The following BBS4 variants were observed in gnomAD, a reference collection of about 807,000 sequenced individuals.
BBS4 encodes Bardet-Biedl syndrome 4.
In BBS4, 58 loss-of-function variants were observed where a neutral mutation model predicts 71.4. That is an observed-to-expected ratio of 0.81 (90% CI 0.66 to 1.01). BBS4 has a LOEUF of 1.01. Ranked by LOEUF, BBS4 falls within the 50% of genes least tolerant of loss-of-function variation. BBS4 has a pLI of 0.00. For missense variants in BBS4, 660 were observed against 607.9 expected (o/e 1.09, Z -0.90); for synonymous variants, 228 against 216.8 (o/e 1.05, Z -0.46).
chr15:72,733,701 C>G (rs1387925496), intron 12 of BBS4, among the ~76,000 whole-genome samples: 4 of 152,160 alleles, frequency 2.6e-5, no homozygotes, highest in African/African-American at 9.7e-5. Flanking sequence ...GATTTCACAT[C>G]TTTGCTATTG....
At chr15:72,737,197 C>T (rs1408713377) in intron 15 of BBS4, 2 of 620,200 alleles carry the variant, frequency 3.2e-6, no homozygotes, top group East Asian at 5.5e-5. Flanking sequence ...ATACACTGGT[C>T]TTTCCAATTT....
At chr15:72,706,985 C>T (rs2065274881) in intron 2 of BBS4, among the ~76,000 whole-genome samples, 1 of 151,744 alleles carries the variant, frequency 6.6e-6, no homozygotes. Context: ...CTGGTTGTAC[C>T]TTTTAATTTT....
rs151083113 is a variant in BBS4 at position 72,733,302 on chromosome 15, T to A, written c.1036+1576T>A. 7.3e-3 allele frequency among the ~76,000 whole-genome samples: 1,115 copies of A among 151,836 alleles called. 10 individuals carry two copies. Among genetic ancestry groups the A allele is most frequent in the African/African-American group, 0.025 (1,031 of 41,340 alleles). On this transcript the variant is annotated intron_variant, in intron 12 of 15. Transcript: ENST00000268057. ...GAGACTCCATTCCTCTCTCTTTTTT[T>A]AAAAATTTTATTTTAGGTTCAGGGG...
Position 72,698,027 on chromosome 15 carries a change from C to A in BBS4, c.76+2799C>A, listed in dbSNP as rs1276857503. 26 of 455,692 alleles carry A rather than the reference C, an allele frequency of 5.7e-5. No homozygotes were observed. In the East Asian group the frequency reaches 1.8e-3, roughly 32 times the overall value. 28.2% of individuals were successfully genotyped at this position (455,692 alleles called of 1,614,324 possible). ...TCTGGCTTTCAGTTGAAGATCTTAC[C>A]CATCATTGAGGTGAGCGAACTGATT... On this transcript the variant is annotated intron_variant, in intron 2 of 15. Coordinates refer to ENST00000268057, the MANE Select transcript of BBS4 (RefSeq NM_033028.5).
Position 72,722,825 on chromosome 15 carries a change from T to C in BBS4, c.437T>C (p.Ile146Thr), listed in dbSNP as rs769886837. 9.3e-5 allele frequency: 150 copies of C among 1,613,764 alleles called. No individual in the cohort carries two copies. Among genetic ancestry groups the C allele is most frequent in the Non-Finnish European group, 1.2e-4 (142 of 1,179,888 alleles). Reference sequence around the variant, plus strand: ...AGCCATAACCTAGGAGTTTGCTACATATACCTGAAGCAGTTCAACAAGGTA... The same window carrying C: ...AGCCATAACCTAGGAGTTTGCTACACATACCTGAAGCAGTTCAACAAGGTA... ...EISHNLGVCY[I>T]YLKQFNKAQD... The change falls in exon 7 of 16, where the codon ATA (isoleucine) becomes ACA (threonine). Residue 146 changes from isoleucine to threonine, a missense_variant. By Grantham distance (89) the Ile-to-Thr change is moderately conservative (BLOSUM62 -1). Transcript: ENST00000268057.
At chr15:72,725,055 T>TAGAGAGAGAG (rs201886458) in intron 8 of BBS4, among the ~76,000 whole-genome samples, 12 of 111,686 alleles carry the variant, frequency 1.1e-4, no homozygotes, top group South Asian at 3.1e-4. Flanking sequence ...TATATATATA[T>TAGAGAGAGAG]ATAGAGAGAG....
intron 3 of BBS4, among the ~76,000 whole-genome samples, chr15:72,710,002 G>A (rs76997565): frequency 0.011 from 1,711 of 152,142 alleles, 27 homozygotes; most frequent in African/African-American, 0.038. Flanking sequence ...TTGCTCATGG[G>A]CTTTCAGATC....
chr15:72,697,098 A>G, intron 2 of BBS4, among the ~76,000 whole-genome samples: 1 of 151,820 alleles, frequency 6.6e-6, no homozygotes, highest in South Asian at 2.1e-4. Flanking sequence ...ATGCCTGGCT[A>G]ATTTTTTTAT....
chr15:72,687,272 C>G (rs1300606238), intron 1 of BBS4, among the ~76,000 whole-genome samples: 1 of 151,442 alleles, frequency 6.6e-6, no homozygotes, highest in Non-Finnish European at 1.5e-5. Flanking sequence ...GCGCCTGCCA[C>G]CACGCCCGGC....
intron 8 of BBS4, among the ~76,000 whole-genome samples, chr15:72,724,935 G>T (rs1481698494): frequency 6.6e-6 from 1 of 151,890 alleles, no homozygotes; most frequent in African/African-American, 2.4e-5. Context: ...CATTCCTTAG[G>T]CTGTTGTCTT....
chr15:72,718,961 A>G (rs1389043230), intron 6 of BBS4, among the ~76,000 whole-genome samples: 1 of 152,204 alleles, frequency 6.6e-6, no homozygotes, highest in Non-Finnish European at 1.5e-5. Flanking sequence ...AGAGATGTGA[A>G]TTCTGGAGTC....
chr15:72,698,775 CTAAT>C (rs1567401895), intron 2 of BBS4, among the ~76,000 whole-genome samples: 1 of 152,136 alleles, frequency 6.6e-6, no homozygotes, highest in East Asian at 1.9e-4. Flanking sequence ...ATTCTACAGA[CTAAT>C]TACTGTGTAT....
intron 3 of BBS4, among the ~76,000 whole-genome samples, chr15:72,710,871 A>G (rs940038012): frequency 6.7e-6 from 1 of 150,258 alleles, no homozygotes; most frequent in African/African-American, 2.5e-5. Flanking sequence ...GCTCACTGCA[A>G]CCCCCGCTTT....
At position 72,737,726 on chromosome 15, in the gene BBS4, A is replaced by G. The variant is rs1288714370; in HGVS notation, c.*139A>G. ...TGTTATTACGAGGAGCCAGCAGTTGAGCCTAAGGTCCTTCTACCTACCTGG... is the reference window on the plus strand; with the variant it reads ...TGTTATTACGAGGAGCCAGCAGTTGGGCCTAAGGTCCTTCTACCTACCTGG... On this transcript the variant is annotated 3_prime_UTR_variant, in exon 16 of 16. Transcript: ENST00000268057. 6.7e-6 allele frequency: 5 copies of G among 744,846 alleles called. No homozygotes were observed. The highest frequency in any genetic ancestry group is 1.2e-5 in the Non-Finnish European group (5 of 433,872). 46.1% of individuals were successfully genotyped at this position (744,846 alleles called of 1,614,324 possible).
chr15:72,711,451 CA>C (rs2065370874), intron 3 of BBS4, among the ~76,000 whole-genome samples: 4 of 152,004 alleles, frequency 2.6e-5, no homozygotes, highest in Admixed American at 2.0e-4. Context: ...GCCTGGCCAC[CA>C]GTATGAATCT....
chr15:72,735,211 C>CG, intron 13 of BBS4, 29 bp downstream of exon 13: 3 of 1,580,132 alleles, frequency 1.9e-6, no homozygotes, highest in Non-Finnish European at 2.6e-6. Flanking sequence ...ATGGTACTGG[C>CG]GGGGGTTGGA....
rs749211822 is a variant in BBS4 at position 72,695,265 on chromosome 15, C to G, written c.76+37C>G. The G allele has an allele frequency of 3.0e-6, 4 of 1,337,588 alleles. No individual in the cohort carries two copies. The African/African-American group carries it at 5.8e-5, about 19-fold the overall frequency. 82.9% of individuals were successfully genotyped at this position (1,337,588 alleles called of 1,614,324 possible). On this transcript the variant is annotated intron_variant, in intron 2 of 15. Transcript: ENST00000268057. ...GTTTCATGGTATGTGTATGTTTGCA[C>G]AGACAGATTTCTCTTTTATTTATTT...
At chr15:72,733,291 CTCTCT>C (rs1038690772) in intron 12 of BBS4, among the ~76,000 whole-genome samples, 4 of 151,992 alleles carry the variant, frequency 2.6e-5, no homozygotes, top group Admixed American at 2.0e-4. Flanking sequence ...CTCCATTCCT[CTCTCT>C]TTTTTTAAAA....
intron 2 of BBS4, among the ~76,000 whole-genome samples, chr15:72,696,385 T>A (rs906561091): frequency 1.3e-5 from 2 of 151,550 alleles, no homozygotes; most frequent in Admixed American, 1.3e-4. Context: ...TAAAATTCCC[T>A]TTTTTTAGTA....
Sources: allele counts gnomAD v4.1 joint callset (sites outside exome capture counted in the v4.1 genomes callset), GRCh38; gene constraint gnomAD v4.1.1; transcripts MANE v1.5; gene names NCBI Gene and HGNC (gene_info 2026-07-23, HGNC 2026-07-21).